The following KIFAP3 variants were observed in gnomAD, a reference collection of about 807,000 sequenced individuals.
KIFAP3 encodes kinesin-associated protein 3.
KIFAP3 carries 68 observed loss-of-function variants against 106.5 expected under a neutral mutation model. That is an observed-to-expected ratio of 0.64 (90% CI 0.53 to 0.78). The LOEUF is 0.78. Among genes scored for constraint, KIFAP3 ranks in the 30% least tolerant of loss-of-function variants. The pLI is 0.00. For missense variants in KIFAP3, 780 were observed against 941.8 expected, an observed-to-expected ratio of 0.83 and a Z score of 2.25; for synonymous variants, 320 against 311.5, an observed-to-expected ratio of 1.03 and a Z score of -0.29.
chr1:170,060,872 C>A (rs1270111440), intron 1 of KIFAP3, among the ~76,000 whole-genome samples: 1 of 152,180 alleles, frequency 6.6e-6, no homozygotes, highest in African/African-American at 2.4e-5. Flanking sequence ...CTACAACAAT[C>A]TCATCTTTGA....
chr1:170,046,210 CAA>C lies in KIFAP3; in HGVS notation c.319+500_319+501del, dbSNP rs60580320. Among the ~76,000 whole-genome samples the C allele has an allele frequency of 1.5e-3, 83 of 56,910 alleles. 2 individuals carry two copies. Among genetic ancestry groups the C allele is most frequent in the Admixed American group, 3.0e-3 (11 of 3,722 alleles). The allele number at this position is 56,910 out of a possible 152,430, so 37.3% of individuals were successfully genotyped here. A position where few individuals can be genotyped will look rare whatever the true frequency, so the allele number is the denominator to read the frequency against. ...CCAGATTAAACCTTTTTCTCTGCTG[CAA>C]AAAAAAAAAAAAAAAAAGGAAACAG... On this transcript the variant is annotated intron_variant, in intron 3 of 19. Coordinates refer to ENST00000361580, the MANE Select transcript of KIFAP3 (RefSeq NM_014970.4).
chr1:170,056,260 A>G (rs1670849162), intron 1 of KIFAP3, among the ~76,000 whole-genome samples: 1 of 152,196 alleles, frequency 6.6e-6, no homozygotes, highest in Non-Finnish European at 1.5e-5. Flanking sequence ...TCACTGAATC[A>G]CACCCAAATT....
rs1668380947 is a variant in KIFAP3, at chr1:170,013,989, C to A, written c.1183+2473G>T. On this transcript the variant is annotated intron_variant, in intron 10 of 19. Coordinates refer to ENST00000361580, the MANE Select transcript of KIFAP3 (RefSeq NM_014970.4). ...TTATGACATCTTTTTCTATCATCAC[C>A]CACATCCAAACAGTAACTATAACAT... is the stretch of plus-strand genomic sequence containing the variant. Among the ~76,000 whole-genome samples the A allele has an allele frequency of 2.6e-5, 4 of 152,112 alleles. No individual in the cohort carries two copies. The South Asian group carries it at 6.2e-4, about 24-fold the overall frequency.
rs190075199 is a variant in KIFAP3 at position 169,959,461 on chromosome 1, C to G, written c.2173+1585G>C. ...ATAGATTAAAAAAACCTAAATGTTT[C>G]TAAGTTTTGGTGTATGAAAATATAC... On this transcript the variant is annotated intron_variant, in intron 18 of 19. Transcript: ENST00000361580. 1.4e-4 allele frequency among the ~76,000 whole-genome samples: 22 copies of G among 152,216 alleles called. No homozygotes were observed. The East Asian group carries it at 3.3e-3, about 23-fold the overall frequency.
chr1:170,066,730 CAAGCTTTAAGCTTGAAACAGG>C (rs1671465397), intron 1 of KIFAP3, among the ~76,000 whole-genome samples: 1 of 152,128 alleles, frequency 6.6e-6, no homozygotes, highest in Non-Finnish European at 1.5e-5. Context: ...GGTAAAGCTC[CAAGCTTTAAGCTTGAAACAGG>C]AGGACTACCT....
rs185088166 is a variant in KIFAP3 at position 170,074,670 on chromosome 1, C to A, written c.-203G>T. Reference sequence around the variant, plus strand: ...GCTTCTGTGCCCCAAAACACTGGAGCGGCCCAGACCCGCCCAGAGTCGCCT... The same window carrying A: ...GCTTCTGTGCCCCAAAACACTGGAGAGGCCCAGACCCGCCCAGAGTCGCCT... On this transcript the variant is annotated 5_prime_UTR_variant, in exon 1 of 20. Transcript: ENST00000361580. 5 of 1,428,548 alleles carry A rather than the reference C, an allele frequency of 3.5e-6. No homozygotes were observed. The highest frequency in any genetic ancestry group is 2.6e-4 in the Middle Eastern group (1 of 3,822). The allele number at this position is 1,428,548 out of a possible 1,614,324, so 88.5% of individuals were successfully genotyped here. A position where few individuals can be genotyped will look rare whatever the true frequency, so the allele number is the denominator to read the frequency against.
At chr1:170,058,261 A>G (rs1670951435) in intron 1 of KIFAP3, among the ~76,000 whole-genome samples, 1 of 152,198 alleles carries the variant, frequency 6.6e-6, no homozygotes, top group Admixed American at 6.6e-5. Context: ...TTAAAAAATT[A>G]TTCTTTTCAA....
intron 2 of KIFAP3, among the ~76,000 whole-genome samples, chr1:170,052,764 C>T (rs941215044): frequency 6.6e-6 from 1 of 152,164 alleles, no homozygotes; most frequent in African/African-American, 2.4e-5. Context: ...TCAATAGATG[C>T]AGAAAAGGCC....
At chr1:170,071,186 A>G (rs964063064) in intron 1 of KIFAP3, among the ~76,000 whole-genome samples, 1 of 152,204 alleles carries the variant, frequency 6.6e-6, no homozygotes, top group Non-Finnish European at 1.5e-5. Flanking sequence ...TGGTTCCTCA[A>G]TGAATTAAAC....
chr1:170,005,964 G>GC (rs1452542553), intron 10 of KIFAP3, among the ~76,000 whole-genome samples: 1 of 151,866 alleles, frequency 6.6e-6, no homozygotes, highest in Non-Finnish European at 1.5e-5. Flanking sequence ...GCAACCATTA[G>GC]CCCCCTCGAG....
intron 17 of KIFAP3, among the ~76,000 whole-genome samples, chr1:169,967,221 A>G (rs889356322): frequency 2.6e-5 from 4 of 151,910 alleles, no homozygotes; most frequent in Non-Finnish European, 5.9e-5. Flanking sequence ...AAAAAATGTG[A>G]GAAAGAATCT....
In KIFAP3 at chr1:170,011,542, T is replaced by C. The variant is rs368546568; in HGVS notation, c.1183+4920A>G. ...ATAGACATATATTGACATGTGAATATACATGTATATAAACATATACACATT... is the reference window on the plus strand; with the variant it reads ...ATAGACATATATTGACATGTGAATACACATGTATATAAACATATACACATT... On this transcript the variant is annotated intron_variant, in intron 10 of 19. Transcript: ENST00000361580. Among the ~76,000 whole-genome samples, 4 of 151,986 alleles carry C rather than the reference T, an allele frequency of 2.6e-5. No individual in the cohort carries two copies. In the South Asian group the frequency reaches 6.2e-4, roughly 24 times the overall value.
chr1:169,921,558 A>G lies in KIFAP3; in HGVS notation c.*118T>C. On this transcript the variant is annotated 3_prime_UTR_variant, in exon 20 of 20. Transcript: ENST00000361580. ...TCTGCAGCTAACAACATATAAAAAT[A>G]AAAACAAACACAGACCCACAATAAC... The G allele has an allele frequency of 1.4e-6, 1 of 737,840 alleles. No homozygotes were observed. Among genetic ancestry groups the G allele is most frequent in the East Asian group, 2.8e-5 (1 of 35,960 alleles). The allele number at this position is 737,840 out of a possible 1,614,324, so 45.7% of individuals were successfully genotyped here. A position where few individuals can be genotyped will look rare whatever the true frequency, so the allele number is the denominator to read the frequency against.
At chr1:169,978,307 G>C (rs1666334727) in intron 15 of KIFAP3, 124 bp from the exon 16 acceptor site, 1 of 596,714 alleles carries the variant, frequency 1.7e-6, no homozygotes. Context: ...AAGCAGAAAT[G>C]GATTTAACTT....
chr1:169,968,195 G>A (rs1308027190), intron 17 of KIFAP3, among the ~76,000 whole-genome samples: 12 of 151,782 alleles, frequency 7.9e-5, no homozygotes, highest in East Asian at 1.9e-4. Context: ...CTAAAGTGTC[G>A]TGAAAGACTG....
intron 10 of KIFAP3, among the ~76,000 whole-genome samples, chr1:169,993,504 A>G: frequency 8.6e-6 from 1 of 116,944 alleles, no homozygotes; most frequent in Non-Finnish European, 1.7e-5. Flanking sequence ...TAAATATAAA[A>G]GCTGAAGAAA....
In KIFAP3 at chr1:170,003,940, T is replaced by A. The variant is rs556021651; in HGVS notation, c.1184-11685A>T. Among the ~76,000 whole-genome samples the A allele has an allele frequency of 2.3e-4, 35 of 152,242 alleles. No homozygotes were observed. In the East Asian group the frequency reaches 6.6e-3, roughly 29 times the overall value. On this transcript the variant is annotated intron_variant, in intron 10 of 19. Coordinates refer to ENST00000361580, the MANE Select transcript of KIFAP3 (RefSeq NM_014970.4). ...AAATTGTCCCTGTTTGCAGATGACA[T>A]GATTGTATATCTAGAAAACCCCATT... is the stretch of plus-strand genomic sequence containing the variant.
chr1:170,005,061 A>C (rs1313416934), intron 10 of KIFAP3, among the ~76,000 whole-genome samples: 1 of 152,154 alleles, frequency 6.6e-6, no homozygotes, highest in Non-Finnish European at 1.5e-5. Flanking sequence ...ATGAACAGAC[A>C]CTTCTCAAAA....
chr1:169,945,536 G>A (rs1289399810), intron 19 of KIFAP3, among the ~76,000 whole-genome samples: 1 of 152,184 alleles, frequency 6.6e-6, no homozygotes, highest in Non-Finnish European at 1.5e-5. Flanking sequence ...ATGGGCCACT[G>A]CTGCCATCAC....
Sources: gnomAD v4.1 joint callset for allele counts (sites outside exome capture counted in the v4.1 genomes callset) on GRCh38, gnomAD v4.1.1 for gene constraint, MANE v1.5 for transcripts, NCBI Gene and HGNC (gene_info 2026-07-23, HGNC 2026-07-21) for gene names.